KAZN: variants seen among roughly 807,000 people sequenced by gnomAD.
KAZN encodes the protein kazrin.
A neutral mutation model predicts 87.4 loss-of-function variants in KAZN; 40 were observed. The ratio of observed to expected loss-of-function variants is 0.46; its 90% confidence interval spans 0.36 to 0.60. The LOEUF (loss-of-function observed/expected upper bound fraction) is 0.60, where lower values mean the gene tolerates loss of function less well. Among genes scored for constraint, KAZN ranks in the 20% least tolerant of loss-of-function variants. The pLI is 0.00. For missense variants in KAZN, 898 were observed against 1,073.9 expected (o/e 0.84, Z 2.29); for synonymous variants, 466 against 458.3 (o/e 1.02, Z -0.22).
intron 1 of KAZN, among the ~76,000 whole-genome samples, chr1:14,075,500 A>G (rs938839784): frequency 1.3e-5 from 2 of 152,226 alleles, no homozygotes; most frequent in African/African-American, 4.8e-5. Context: ...TTGGGAACAT[A>G]GAAGCAGTAC....
intron 1 of KAZN, chr1:14,692,036 C>A: frequency 4.7e-6 from 1 of 213,542 alleles, no homozygotes; most frequent in East Asian, 1.0e-4. Context: ...TACCTGAACA[C>A]ACAGTAGTGG....
chr1:14,663,348 A>G lies in KAZN; in HGVS notation c.226+64125A>G, dbSNP rs186828479. 4.1e-4 allele frequency among the ~76,000 whole-genome samples: 62 copies of G among 152,244 alleles called. 1 individual carries two copies. Among genetic ancestry groups the G allele is most frequent in the African/African-American group, 1.4e-3 (58 of 41,548 alleles). ...TGATGAAACTGAAGACAGGAAGGGA[A>G]CTTGGTTCGCCGGGGCCACACAGGC... On this transcript the variant is annotated intron_variant, in intron 1 of 14. Transcript: ENST00000376030.
intron 2 of KAZN, among the ~76,000 whole-genome samples, chr1:14,418,827 G>A (rs1172072226): frequency 2.0e-5 from 3 of 152,192 alleles, no homozygotes; most frequent in Non-Finnish European, 4.4e-5. Flanking sequence ...AGAGTCTTGT[G>A]AGTTTGGTTA....
intron 1 of KAZN, among the ~76,000 whole-genome samples, chr1:14,105,990 T>A (rs1177422668): frequency 1.3e-5 from 2 of 152,222 alleles, no homozygotes; most frequent in Non-Finnish European, 2.9e-5. Context: ...TGGCTTAAAA[T>A]TTTTGAAATT....
intron 2 of KAZN, among the ~76,000 whole-genome samples, chr1:14,343,029 T>C (rs1209947639): frequency 6.6e-6 from 1 of 152,048 alleles, no homozygotes; most frequent in Non-Finnish European, 1.5e-5. Context: ...TAATCCCAGC[T>C]ACTCAGGAGG....
intron 1 of KAZN, among the ~76,000 whole-genome samples, chr1:14,840,870 T>C (rs1647884023): frequency 6.6e-6 from 1 of 152,202 alleles, no homozygotes; most frequent in African/African-American, 2.4e-5. Context: ...GAAGTGAATA[T>C]AGCAATGCCA....
intron 2 of KAZN, among the ~76,000 whole-genome samples, chr1:14,971,661 GTTTTTTTTTTTTTCTTTTTCTTTT>G (rs1019131939): frequency 1.6e-4 from 19 of 116,542 alleles, no homozygotes; most frequent in South Asian, 3.1e-4. Flanking sequence ...ACCAGGAGTT[GTTTTTTTTTTTTTCTTTTTCTTTT>G]TTTTTTTTTT....
chr1:14,911,982 T>C (rs1399554277), intron 1 of KAZN, among the ~76,000 whole-genome samples: 1 of 151,782 alleles, frequency 6.6e-6, no homozygotes, highest in Non-Finnish European at 1.5e-5. Context: ...TGGCACGTTA[T>C]CTCTACTAAA....
chr1:13,954,557 T>C (rs772912307), intron 1 of KAZN, among the ~76,000 whole-genome samples: 5 of 152,206 alleles, frequency 3.3e-5, no homozygotes, highest in Admixed American at 6.5e-5. Flanking sequence ...GAAAATTTCA[T>C]AGGGAATGCT....
At chr1:14,906,169 AAATATATTAT>A (rs1656536499) in intron 1 of KAZN, among the ~76,000 whole-genome samples, 1 of 134,264 alleles carries the variant, frequency 7.4e-6, no homozygotes, top group Non-Finnish European at 1.6e-5. Context: ...CCATCTCAAA[AAATATATTAT>A]AATAATAATA....
chr1:14,526,248 A>C (rs973879067), intron 2 of KAZN, among the ~76,000 whole-genome samples: 1 of 152,292 alleles, frequency 6.6e-6, no homozygotes, highest in East Asian at 1.9e-4. Flanking sequence ...TTGCCTCTAC[A>C]TAAGAGCAGA....
At chr1:14,964,853 C>T (rs1465157606) in intron 2 of KAZN, among the ~76,000 whole-genome samples, 1 of 152,130 alleles carries the variant, frequency 6.6e-6, no homozygotes, top group Non-Finnish European at 1.5e-5. Context: ...CCCAAAACAT[C>T]AGTCTGCGGT....
chr1:15,039,871 G>T (rs1437690808), intron 3 of KAZN, among the ~76,000 whole-genome samples: 3 of 152,204 alleles, frequency 2.0e-5, no homozygotes, highest in Non-Finnish European at 4.4e-5. Context: ...GCTCCCTGTA[G>T]CTACAGCTGA....
intron 1 of KAZN, among the ~76,000 whole-genome samples, chr1:13,973,314 A>G (rs970530805): frequency 6.6e-6 from 1 of 151,942 alleles, no homozygotes; most frequent in Non-Finnish European, 1.5e-5. Context: ...GCCCTTCTCC[A>G]CCCTGCTTTA....
intron 2 of KAZN, among the ~76,000 whole-genome samples, chr1:14,261,173 T>C (rs1456025776): frequency 3.3e-5 from 5 of 152,234 alleles, no homozygotes; most frequent in Non-Finnish European, 7.3e-5. Flanking sequence ...GTTCAAATCC[T>C]GGCTCAGCCC....
At chr1:13,965,269 C>T (rs1186454636) in intron 1 of KAZN, among the ~76,000 whole-genome samples, 3 of 152,056 alleles carry the variant, frequency 2.0e-5, no homozygotes, top group Non-Finnish European at 4.4e-5. Flanking sequence ...AGCAGGGGGA[C>T]CTGATGGGAG....
At chr1:14,386,311 A>G (rs1161945807) in intron 2 of KAZN, among the ~76,000 whole-genome samples, 1 of 146,794 alleles carries the variant, frequency 6.8e-6, no homozygotes, top group African/African-American at 2.5e-5. Context: ...TAGTCCATTT[A>G]CATTTAAAGT....
chr1:14,287,216 C>G (rs1437314633), intron 2 of KAZN, among the ~76,000 whole-genome samples: 1 of 152,194 alleles, frequency 6.6e-6, no homozygotes, highest in African/African-American at 2.4e-5. Flanking sequence ...ATGACAGATA[C>G]TGTAGGCTGG....
chr1:14,017,155 T>G (rs1640608396), intron 1 of KAZN, among the ~76,000 whole-genome samples: 1 of 152,204 alleles, frequency 6.6e-6, no homozygotes. Context: ...TGATTCCTTC[T>G]GCTTTTTCTC....
Sources: gnomAD v4.1 joint callset for allele counts (sites outside exome capture counted in the v4.1 genomes callset) on GRCh38, gnomAD v4.1.1 for gene constraint, MANE v1.5 for transcripts, NCBI Gene and HGNC (gene_info 2026-07-23, HGNC 2026-07-21) for gene names.